WWOX: variants seen among roughly 807,000 people sequenced by gnomAD.
WWOX encodes WW domain containing oxidoreductase, also known as WW domain-containing oxidoreductase.
In WWOX, 69 loss-of-function variants were observed where a neutral mutation model predicts 46.2. That is an observed-to-expected ratio of 1.49 (90% CI 1.23 to 1.82). The LOEUF is 1.82. Among genes scored for constraint, WWOX ranks in the 40% most tolerant of loss-of-function variants. The pLI is 0.00. For synonymous variants in WWOX, 359 were observed against 202.6 expected (o/e 1.77, Z -6.56); for missense variants, 919 against 542.6 (o/e 1.69, Z -6.89).
At chr16:78,965,568 TA>T (rs76477109) in intron 8 of WWOX, among the ~76,000 whole-genome samples, 2,995 of 141,404 alleles carry the variant, frequency 0.021, 30 homozygotes, top group South Asian at 0.039. Flanking sequence ...AACTCCATCT[TA>T]AAAAAAAAAA....
At chr16:78,952,650 C>T (rs2046085215) in intron 8 of WWOX, among the ~76,000 whole-genome samples, 1 of 152,110 alleles carries the variant, frequency 6.6e-6, no homozygotes, top group Non-Finnish European at 1.5e-5. Flanking sequence ...TCCCAAAGTG[C>T]TGGGTTTACA....
intron 8 of WWOX, among the ~76,000 whole-genome samples, chr16:78,689,276 A>G (rs537045608): frequency 6.6e-6 from 1 of 152,340 alleles, no homozygotes; most frequent in African/African-American, 2.4e-5. Context: ...TGTGCTTTGC[A>G]CACACATGCT....
chr16:78,913,091 C>T (rs999848352), intron 8 of WWOX, among the ~76,000 whole-genome samples: 1 of 152,020 alleles, frequency 6.6e-6, no homozygotes, highest in African/African-American at 2.4e-5. Context: ...CTAGCTTTTG[C>T]TTCCCACATC....
At chr16:79,111,703 G>A (rs2049419800) in intron 8 of WWOX, among the ~76,000 whole-genome samples, 1 of 152,126 alleles carries the variant, frequency 6.6e-6, no homozygotes, top group South Asian at 2.1e-4. Context: ...TAGGCAAACA[G>A]GATAGAAAAA....
intron 8 of WWOX, among the ~76,000 whole-genome samples, chr16:78,466,861 C>G (rs543937975): frequency 6.6e-6 from 1 of 151,940 alleles, no homozygotes; most frequent in Admixed American, 6.6e-5. Context: ...AAAAAAAGCA[C>G]AAAAAATTTT....
At position 78,532,734 on chromosome 16, in the gene WWOX, C is replaced by A. The variant is rs554290106; in HGVS notation, c.1056+99982C>A. Among the ~76,000 whole-genome samples, 6 of 151,700 alleles carry A rather than the reference C, an allele frequency of 4.0e-5. No individual in the cohort carries two copies. In the South Asian group the frequency reaches 1.3e-3, roughly 32 times the overall value. Reference sequence around the variant, plus strand: ...AAAGAACTTGTGTAGGGAAACTCTCCCTTATGATACCGTCAGATTCCTTGA... The same window carrying A: ...AAAGAACTTGTGTAGGGAAACTCTCACTTATGATACCGTCAGATTCCTTGA... On this transcript the variant is annotated intron_variant, in intron 8 of 8. Coordinates refer to ENST00000566780, the MANE Select transcript of WWOX (RefSeq NM_016373.4).
intron 8 of WWOX, among the ~76,000 whole-genome samples, chr16:79,007,829 A>G (rs2047220080): frequency 6.6e-6 from 1 of 152,194 alleles, no homozygotes. Flanking sequence ...AATCATCATA[A>G]CCTCTGCCCT....
chr16:78,123,904 A>G (rs2033243358), intron 4 of WWOX: 1 of 152,120 alleles, frequency 6.6e-6, no homozygotes. Context: ...AGTACAGTAT[A>G]TGTTTCTTAA....
Position 78,440,217 on chromosome 16 carries a change from C to G in WWOX, c.1056+7465C>G, listed in dbSNP as rs866181416. 3.3e-5 allele frequency among the ~76,000 whole-genome samples: 5 copies of G among 152,206 alleles called. No individual in the cohort carries two copies. The South Asian group carries it at 1.0e-3, about 32-fold the overall frequency. ...GGAAATGCTATCGATTTTATAGGAT[C>G]GTTGTGAGAAGAAGTGAGAATTGAA... On this transcript the variant is annotated intron_variant, in intron 8 of 8. Transcript: ENST00000566780.
intron 1 of WWOX, among the ~76,000 whole-genome samples, chr16:78,105,037 C>G (rs2032052748): frequency 6.6e-6 from 1 of 152,218 alleles, no homozygotes; most frequent in Admixed American, 6.5e-5. Flanking sequence ...GGATTCTTCC[C>G]CAGGGATGGT....
At chr16:78,866,571 G>A (rs116983423) in intron 8 of WWOX, among the ~76,000 whole-genome samples, 5,709 of 152,250 alleles carry the variant, frequency 0.037, 161 homozygotes, top group Non-Finnish European at 0.062. Flanking sequence ...ATTGGAAGGG[G>A]AACAAAATCA....
intron 8 of WWOX, among the ~76,000 whole-genome samples, chr16:78,879,887 A>AAG (rs1555557149): frequency 4.6e-5 from 7 of 151,784 alleles, no homozygotes; most frequent in African/African-American, 1.4e-4. Context: ...CAAAAAAAAA[A>AAG]AAGAAGAAGA....
chr16:78,514,880 A>G (rs1209366695), intron 8 of WWOX, among the ~76,000 whole-genome samples: 2 of 152,164 alleles, frequency 1.3e-5, no homozygotes, highest in African/African-American at 4.8e-5. Context: ...ACAGCCCCAT[A>G]AAGTGAAGTT....
chr16:79,128,611 C>A (rs1190763575), intron 8 of WWOX, among the ~76,000 whole-genome samples: 1 of 152,154 alleles, frequency 6.6e-6, no homozygotes, highest in Non-Finnish European at 1.5e-5. Flanking sequence ...AATGCAGTGG[C>A]ACAGAAGGGT....
intron 8 of WWOX, among the ~76,000 whole-genome samples, chr16:79,096,636 C>T (rs1357122793): frequency 6.6e-6 from 1 of 152,176 alleles, no homozygotes; most frequent in Non-Finnish European, 1.5e-5. Flanking sequence ...CTTTATTTTT[C>T]TCCATATTAT....
intron 6 of WWOX, among the ~76,000 whole-genome samples, chr16:78,404,630 G>C (rs1205642409): frequency 6.6e-6 from 1 of 152,110 alleles, no homozygotes; most frequent in African/African-American, 2.4e-5. Context: ...TGGTTCATTT[G>C]TCAGACGAAC....
intron 5 of WWOX, among the ~76,000 whole-genome samples, chr16:78,288,267 C>CTTTTTTTTTTTT (rs201333228): frequency 1.6e-5 from 2 of 124,702 alleles, no homozygotes; most frequent in African/African-American, 2.9e-5. Context: ...TATGAGTTTA[C>CTTTTTTTTTTTT]TTTTTTTTTT....
intron 5 of WWOX, among the ~76,000 whole-genome samples, chr16:78,367,882 G>C (rs951265532): frequency 6.6e-6 from 1 of 151,998 alleles, no homozygotes; most frequent in Non-Finnish European, 1.5e-5. Context: ...TCAGCCTCCT[G>C]AGTAGCTGTG....
At chr16:78,583,679 G>C (rs375253273) in intron 8 of WWOX, among the ~76,000 whole-genome samples, 21 of 152,062 alleles carry the variant, frequency 1.4e-4, no homozygotes, top group Non-Finnish European at 2.9e-4. Context: ...GCAGCGGGTT[G>C]GGGGGGTTGC....
Sources: gnomAD v4.1 joint callset for allele counts (sites outside exome capture counted in the v4.1 genomes callset) on GRCh38, gnomAD v4.1.1 for gene constraint, MANE v1.5 for transcripts, NCBI Gene and HGNC (gene_info 2026-07-23, HGNC 2026-07-21) for gene names.